PLCL2: variants seen among roughly 807,000 people sequenced by gnomAD.
The protein encoded by PLCL2 is inactive phospholipase C-like protein 2.
In PLCL2, 4 loss-of-function variants were observed where a neutral mutation model predicts 79.6. The ratio of observed to expected loss-of-function variants is 0.05; its 90% CI spans 0.02 to 0.11. PLCL2 has a LOEUF of 0.11. Ranked by LOEUF, PLCL2 falls within the 10% of genes least tolerant of loss-of-function variation. The pLI is 1.00. For synonymous variants in PLCL2, 484 were observed against 457.7 expected (o/e 1.06, Z -0.73); for missense variants, 895 against 1,291.0 (o/e 0.69, Z 4.70).
At chr3:17,038,867 A>G (rs1559528140) in intron 3 of PLCL2, among the ~76,000 whole-genome samples, 1 of 152,112 alleles carries the variant, frequency 6.6e-6, no homozygotes, top group Non-Finnish European at 1.5e-5. Context: ...ATGTGTCAAG[A>G]CCTATAATGG....
chr3:17,074,756 C>T (rs1223549496), intron 5 of PLCL2, among the ~76,000 whole-genome samples: 2 of 152,224 alleles, frequency 1.3e-5, no homozygotes, highest in East Asian at 3.9e-4. Context: ...GTGGAGATGG[C>T]TTATTTCCTT....
intron 1 of PLCL2, among the ~76,000 whole-genome samples, chr3:16,963,389 G>C (rs1002643419): frequency 6.6e-6 from 1 of 151,990 alleles, no homozygotes; most frequent in Non-Finnish European, 1.5e-5. Context: ...AGCTTGAGAA[G>C]CTATTGAAAT....
intron 5 of PLCL2, among the ~76,000 whole-genome samples, chr3:17,068,640 A>T (rs2065032582): frequency 6.6e-6 from 1 of 152,152 alleles, no homozygotes; most frequent in African/African-American, 2.4e-5. Context: ...TTTATTTTTT[A>T]TTATAAAAAT....
intron 5 of PLCL2, among the ~76,000 whole-genome samples, chr3:17,068,382 T>G (rs1341523913): frequency 1.3e-5 from 2 of 152,226 alleles, no homozygotes; most frequent in Non-Finnish European, 2.9e-5. Flanking sequence ...ATAGAAAATA[T>G]TGATTACAGA....
chr3:16,899,457 A>G (rs1290164542), intron 1 of PLCL2, among the ~76,000 whole-genome samples: 5 of 152,190 alleles, frequency 3.3e-5, no homozygotes, highest in Non-Finnish European at 5.9e-5. Flanking sequence ...TTCACACCAG[A>G]GACCTGGACA....
In PLCL2 at chr3:16,887,122, C is replaced by T. The variant is rs116480867; in HGVS notation, c.327+1756C>T. Among the ~76,000 whole-genome samples, 5,959 of 152,158 alleles carry T rather than the reference C, an allele frequency of 0.039. 199 individuals are homozygous for T. The highest frequency in any genetic ancestry group is 0.1 in the Admixed American group (1,577 of 15,288). On this transcript the variant is annotated intron_variant, in intron 1 of 5. Transcript: ENST00000615277. This position sits in a 1 kb window ranked among gnomAD's most constrained non-coding sequence, Gnocchi z 4.1. Reference sequence around the variant, plus strand: ...GAATTGGGAACTTGTCAATAGATACCATTTCTTAATTGAAGGCTCTAGAAG... The same window carrying T: ...GAATTGGGAACTTGTCAATAGATACTATTTCTTAATTGAAGGCTCTAGAAG...
rs1366922741 is a variant in PLCL2 at position 17,011,302 on chromosome 3, T to C, written c.1956T>C (p.Leu652=). The C allele has an allele frequency of 1.2e-6, 2 of 1,614,120 alleles. No individual in the cohort carries two copies. The highest frequency in any genetic ancestry group is 2.7e-5 in the African/African-American group (2 of 74,936). ...AAGTCTGTTCCTTTAATGAAGTGCT[T>C]GCCAGCAAGTACGCCAATGAAAATC... ...YWEVCSFNEV[L]ASKYANENPG... Residue 652 remains leucine (L), a synonymous_variant, in exon 2 of 6, where the codon CTT becomes CTC. Transcript: ENST00000615277. This position sits in a 1 kb window ranked among gnomAD's most constrained non-coding sequence, Gnocchi z 7.9.
intron 4 of PLCL2, among the ~76,000 whole-genome samples, chr3:17,062,930 G>C (rs563925394): frequency 3.9e-5 from 6 of 152,118 alleles, no homozygotes. Flanking sequence ...ACACCGTCCT[G>C]AATCTGCCTT....
intron 4 of PLCL2, among the ~76,000 whole-genome samples, chr3:17,052,134 G>A (rs13059347): frequency 0.6 from 90,351 of 151,570 alleles, 27,406 homozygotes; most frequent in African/African-American, 0.71. Flanking sequence ...GAAAGTCATC[G>A]AGTCCAAAAC....
intron 3 of PLCL2, among the ~76,000 whole-genome samples, chr3:17,024,088 T>C (rs1002769435): frequency 6.6e-6 from 1 of 152,092 alleles, no homozygotes; most frequent in Non-Finnish European, 1.5e-5. Context: ...GTCCAAGAGG[T>C]AGAGTTAGAA....
intron 4 of PLCL2, among the ~76,000 whole-genome samples, chr3:17,043,707 GA>G (rs928744403): frequency 8.9e-5 from 13 of 146,186 alleles, no homozygotes; most frequent in Admixed American, 2.0e-4. Flanking sequence ...TGCCTACCCT[GA>G]AAAAAAAAAT....
At chr3:16,991,223 G>A (rs1559510356) in intron 1 of PLCL2, among the ~76,000 whole-genome samples, 1 of 152,174 alleles carries the variant, frequency 6.6e-6, no homozygotes, top group Non-Finnish European at 1.5e-5. Context: ...AGGAGGAACT[G>A]ACCTGCCTGG....
chr3:17,005,166 G>A (rs995976782), intron 1 of PLCL2, among the ~76,000 whole-genome samples: 1 of 152,108 alleles, frequency 6.6e-6, no homozygotes, highest in Non-Finnish European at 1.5e-5. Flanking sequence ...CTTTCAAGTG[G>A]AAGTCTTTCA....
intron 1 of PLCL2, among the ~76,000 whole-genome samples, chr3:16,956,960 TC>T (rs2063711520): frequency 6.6e-6 from 1 of 152,202 alleles, no homozygotes; most frequent in Non-Finnish European, 1.5e-5. Flanking sequence ...ATCAATTTTG[TC>T]CATCTTTTCA....
At chr3:16,957,807 CT>C in intron 1 of PLCL2, among the ~76,000 whole-genome samples, 1 of 152,200 alleles carries the variant, frequency 6.6e-6, no homozygotes, top group East Asian at 1.9e-4. Flanking sequence ...CTCTTTTGAT[CT>C]TTGTTGGTTT....
intron 1 of PLCL2, among the ~76,000 whole-genome samples, chr3:16,979,961 G>T (rs1274605770): frequency 1.4e-5 from 2 of 145,768 alleles, no homozygotes; most frequent in African/African-American, 5.1e-5. Flanking sequence ...CTGGCCGGAC[G>T]GGGGGCTGAC....
intron 4 of PLCL2, among the ~76,000 whole-genome samples, chr3:17,061,956 T>C (rs2064957192): frequency 6.6e-6 from 1 of 152,150 alleles, no homozygotes. Flanking sequence ...TTTATACCCT[T>C]AGTTCTCAAG....
intron 1 of PLCL2, among the ~76,000 whole-genome samples, chr3:16,966,288 G>C (rs994485013): frequency 2.7e-5 from 4 of 150,872 alleles, no homozygotes; most frequent in African/African-American, 9.8e-5. Flanking sequence ...TGTGGTTTTT[G>C]TTTTTGGTTC....
At chr3:16,916,993 T>C (rs1697011509) in intron 1 of PLCL2, among the ~76,000 whole-genome samples, 1 of 152,182 alleles carries the variant, frequency 6.6e-6, no homozygotes, top group Non-Finnish European at 1.5e-5. Context: ...GGGAGACTCA[T>C]AGTTTCCTCA....
Sources: allele counts gnomAD v4.1 joint callset (sites outside exome capture counted in the v4.1 genomes callset), GRCh38; gene constraint gnomAD v4.1.1; non-coding constraint Gnocchi (gnomAD v3.1); transcripts MANE v1.5; gene names NCBI Gene and HGNC (gene_info 2026-07-23, HGNC 2026-07-21).